Variants in PCOLCE2 observed in about 807,000 individuals in gnomAD.
PCOLCE2 encodes the protein procollagen C-proteinase enhancer 2.
Under a neutral mutation model 47.0 loss-of-function variants are expected in PCOLCE2, and 42 were observed. That is an observed-to-expected ratio of 0.89 (90% confidence interval 0.70 to 1.16). The LOEUF is 1.16. Among genes scored for constraint, PCOLCE2 ranks in the 50% most tolerant of loss-of-function variants. The pLI is 0.00. For synonymous variants in PCOLCE2, 169 were observed against 191.7 expected (o/e 0.88, Z 0.98); for missense variants, 500 against 526.1 (o/e 0.95, Z 0.49).
At chr3:142,863,017 C>A (rs1421450822) in intron 2 of PCOLCE2, among the ~76,000 whole-genome samples, 1 of 149,510 alleles carries the variant, frequency 6.7e-6, no homozygotes, top group African/African-American at 2.5e-5. Context: ...GAATATACCC[C>A]AAGAAAAGTT....
chr3:142,882,616 GC>G (rs1258953993), intron 2 of PCOLCE2, among the ~76,000 whole-genome samples: 1 of 150,938 alleles, frequency 6.6e-6, no homozygotes, highest in Non-Finnish European at 1.5e-5. Flanking sequence ...TCACTCTGTC[GC>G]CCAGCCTGGA....
intron 2 of PCOLCE2, among the ~76,000 whole-genome samples, chr3:142,854,842 C>G (rs747399241): frequency 6.6e-6 from 1 of 152,220 alleles, no homozygotes; most frequent in African/African-American, 2.4e-5. Context: ...TAATCCCTTA[C>G]AGCAACCCTA....
At position 142,848,387 on chromosome 3, in the gene PCOLCE2, A is replaced by G. The variant is rs374060736; in HGVS notation, c.278T>C (p.Val93Ala). 2.5e-5 allele frequency: 40 copies of G among 1,614,024 alleles called. No individual in the cohort carries two copies. The highest frequency in any genetic ancestry group is 5.0e-5 in the Admixed American group (3 of 60,012). ...DNLCRYDFVD[V>A]YNGHANGQRI... ...CTGGCCATTGGCATGGCCATTGTAC[A>G]CATCCACAAAGTCATAGCGGCACAG... Residue 93 changes from valine (V) to alanine (A), a missense_variant, in exon 3 of 9, where the codon GTG becomes GCG. Coordinates refer to ENST00000295992, the MANE Select transcript of PCOLCE2 (RefSeq NM_013363.4).
chr3:142,828,692 C>T (rs955394264), intron 6 of PCOLCE2, among the ~76,000 whole-genome samples: 13 of 152,106 alleles, frequency 8.5e-5, no homozygotes, highest in Admixed American at 3.9e-4. Flanking sequence ...ACATTGTGTC[C>T]AGGAAAGAAT....
intron 3 of PCOLCE2, among the ~76,000 whole-genome samples, chr3:142,843,603 C>T (rs948235035): frequency 6.6e-6 from 1 of 151,698 alleles, no homozygotes; most frequent in Admixed American, 6.6e-5. Flanking sequence ...AAATATACCC[C>T]CAAATCCCCA....
At chr3:142,821,110 A>G in intron 7 of PCOLCE2, 65 bp from the exon 8 acceptor site, 1 of 1,248,034 alleles carries the variant, frequency 8.0e-7, no homozygotes, top group Admixed American at 1.8e-5. Context: ...ACTGAAAAAC[A>G]AGTTTACATT....
At chr3:142,820,849 CAG>C in intron 8 of PCOLCE2, 27 bp downstream of exon 8, 1 of 1,581,900 alleles carries the variant, frequency 6.3e-7, no homozygotes, top group Non-Finnish European at 8.7e-7. Flanking sequence ...ATGGCTTGCT[CAG>C]AGACACCCAG....
At chr3:142,864,022 G>A (rs1189157967) in intron 2 of PCOLCE2, 1 of 151,956 alleles carries the variant, frequency 6.6e-6, no homozygotes, top group Non-Finnish European at 1.5e-5. Flanking sequence ...ATAAAAACAA[G>A]ACACTAGTAG....
Position 142,888,890 on chromosome 3 carries a change from C to T in PCOLCE2, c.7G>A (p.Gly3Ser). The T allele has an allele frequency of 6.6e-7, 1 of 1,504,112 alleles. No individual in the cohort carries two copies. Among genetic ancestry groups the T allele is most frequent in the African/African-American group, 1.4e-5 (1 of 69,338 alleles). The allele number at this position is 1,504,112 out of a possible 1,614,324, so 93.2% of individuals were successfully genotyped here. ...CAGAGTGGCGCCCAGGCGTTCGCGCCCCTCATGGCAGCGTAGACGCTCGGG... is the reference window on the plus strand; with the variant it reads ...CAGAGTGGCGCCCAGGCGTTCGCGCTCCTCATGGCAGCGTAGACGCTCGGG... Reference protein sequence around the residue: MRGANAWAPLCLL... With the variant: MRSANAWAPLCLL... Residue 3 changes from glycine to serine, a missense_variant, in exon 1 of 9, where the codon GGC (glycine) becomes AGC (serine). By Grantham distance (56) the Gly-to-Ser change is moderately conservative. Transcript: ENST00000295992.
At chr3:142,836,333 C>T (rs747986683) in intron 5 of PCOLCE2, among the ~76,000 whole-genome samples, 1 of 152,324 alleles carries the variant, frequency 6.6e-6, no homozygotes, top group South Asian at 2.1e-4. Context: ...GTGGTCTTTG[C>T]TCCAAACCCC....
chr3:142,825,436 G>A (rs937200538), intron 6 of PCOLCE2, among the ~76,000 whole-genome samples: 11 of 152,046 alleles, frequency 7.2e-5, no homozygotes, highest in South Asian at 2.1e-4. Context: ...TCCCGCGATC[G>A]TTTCTATGGG....
At chr3:142,837,818 A>T (rs1418485606) in intron 5 of PCOLCE2, among the ~76,000 whole-genome samples, 1 of 152,250 alleles carries the variant, frequency 6.6e-6, no homozygotes, top group Non-Finnish European at 1.5e-5. Context: ...TCAATGTCAC[A>T]CAGTTATTAA....
intron 2 of PCOLCE2, among the ~76,000 whole-genome samples, chr3:142,867,694 A>G (rs558251716): frequency 5.9e-5 from 9 of 152,346 alleles, no homozygotes; most frequent in Non-Finnish European, 1.3e-4. Context: ...CAGAACAGCT[A>G]AAACTAGAAA....
At chr3:142,841,661 G>T (rs1937265141) in intron 4 of PCOLCE2, among the ~76,000 whole-genome samples, 1 of 152,068 alleles carries the variant, frequency 6.6e-6, no homozygotes, top group Non-Finnish European at 1.5e-5. Flanking sequence ...TATGATCACT[G>T]TTTATGTCTG....
At chr3:142,839,949 A>G (rs1312079998) in intron 4 of PCOLCE2, among the ~76,000 whole-genome samples, 4 of 152,236 alleles carry the variant, frequency 2.6e-5, no homozygotes, top group African/African-American at 4.8e-5. Flanking sequence ...TGCTCCTTAT[A>G]CTACTGTATG....
At chr3:142,866,356 C>G (rs969105128) in intron 2 of PCOLCE2, among the ~76,000 whole-genome samples, 1 of 152,194 alleles carries the variant, frequency 6.6e-6, no homozygotes, top group East Asian at 1.9e-4. Context: ...CCAGGACTTA[C>G]GCAGAGGCCC....
At chr3:142,843,148 A>C in intron 3 of PCOLCE2, 100 bp from the exon 4 acceptor site, 6 of 1,211,364 alleles carry the variant, frequency 5.0e-6, no homozygotes, top group Non-Finnish European at 7.3e-6. Context: ...GTGAGAGTAC[A>C]GTAAATAAAG....
intron 6 of PCOLCE2, among the ~76,000 whole-genome samples, chr3:142,827,934 G>A (rs1303537090): frequency 1.3e-5 from 2 of 152,158 alleles, no homozygotes; most frequent in Non-Finnish European, 2.9e-5. Flanking sequence ...CGGGACCTGG[G>A]AGGCATTCCT....
chr3:142,878,671 A>G (rs1462736249), intron 2 of PCOLCE2, among the ~76,000 whole-genome samples: 1 of 152,184 alleles, frequency 6.6e-6, no homozygotes, highest in African/African-American at 2.4e-5. Flanking sequence ...ATCAGTCAAC[A>G]TGACAAAACC....
Sources: gnomAD v4.1 joint callset for allele counts (sites outside exome capture counted in the v4.1 genomes callset) on GRCh38, gnomAD v4.1.1 for gene constraint, MANE v1.5 for transcripts, NCBI Gene and HGNC (gene_info 2026-07-23, HGNC 2026-07-21) for gene names.